The following C5orf34 variants were observed in gnomAD, a reference collection of about 807,000 sequenced individuals.
The protein encoded by C5orf34 is chromosome 5 open reading frame 34.
In C5orf34, 73 loss-of-function variants were observed where a neutral mutation model predicts 78.4. The ratio of observed to expected loss-of-function variants is 0.93; its 90% CI spans 0.77 to 1.13. The LOEUF is 1.13. C5orf34 is among the 50% of genes most tolerant of loss of function. The probability of loss-of-function intolerance (pLI) is 0.00; values close to 1 mark genes in which losing one functional copy is unlikely to be tolerated. For missense variants in C5orf34, 730 were observed against 732.7 expected (o/e 1.00, Z 0.04); for synonymous variants, 251 against 246.6 (o/e 1.02, Z -0.17).
intron 3 of C5orf34, among the ~76,000 whole-genome samples, chr5:43,507,902 C>T (rs1306944126): frequency 6.6e-6 from 1 of 151,980 alleles, no homozygotes; most frequent in Non-Finnish European, 1.5e-5. Context: ...CATGATGAAA[C>T]CCCGTCTCTA....
chr5:43,492,398 TAAGTA>T, intron 9 of C5orf34, 89 bp from the exon 10 acceptor site: 1 of 833,896 alleles, frequency 1.2e-6, no homozygotes, highest in Non-Finnish European at 2.0e-6. Flanking sequence ...CTTAAAGAAA[TAAGTA>T]GAGGAATCAT....
chr5:43,493,765 G>T (rs79463127), intron 7 of C5orf34, among the ~76,000 whole-genome samples, 153 bp from the exon 8 acceptor site: 3,744 of 152,134 alleles, frequency 0.025, 59 homozygotes, highest in Middle Eastern at 0.058. Flanking sequence ...AAATCCTTAA[G>T]CCCCTAGAAG....
rs572476619 is a variant in C5orf34, at chr5:43,495,075, A to G, written c.1153-474T>C. On this transcript the variant is annotated intron_variant, in intron 6 of 12. Transcript: ENST00000306862. ...GTGGCAGGTATTAGGGATAATATTCATTTAGCCTTCTGAGCTGTCTGGGCA... is the reference window on the plus strand; with the variant it reads ...GTGGCAGGTATTAGGGATAATATTCGTTTAGCCTTCTGAGCTGTCTGGGCA... The G allele has an allele frequency of 1.5e-4, 217 of 1,490,718 alleles. 3 individuals carry two copies. In the East Asian group the frequency reaches 4.9e-3, roughly 34 times the overall value. The allele number at this position is 1,490,718 out of a possible 1,614,324, so 92.3% of individuals were successfully genotyped here. A position where few individuals can be genotyped will look rare whatever the true frequency, so the allele number is the denominator to read the frequency against.
In C5orf34 at chr5:43,487,075, G is replaced by A. The variant is rs1366470248; in HGVS notation, c.1757C>T (p.Ser586Phe). Residue 586 changes from serine to phenylalanine, a missense_variant, in exon 13 of 13, where the codon TCT (serine) becomes TTT (phenylalanine). Coordinates refer to ENST00000306862, the MANE Select transcript of C5orf34 (RefSeq NM_198566.4). ...LENSGILNQI[S>F]NKKNEQQSFD... is the part of the protein sequence containing the mutation. ...AGACTGTTGTTCATTTTTCTTGTTA[G>A]AAATCTGGTTTAGGATACCACTATT... The A allele has an allele frequency of 1.3e-6, 2 of 1,562,392 alleles. No homozygotes were observed. Among genetic ancestry groups the A allele is most frequent in the Non-Finnish European group, 1.7e-6 (2 of 1,157,568 alleles).
intron 12 of C5orf34, 54 bp downstream of exon 12, chr5:43,487,855 C>T: frequency 1.5e-6 from 2 of 1,338,678 alleles, no homozygotes; most frequent in Non-Finnish European, 2.1e-6. Flanking sequence ...ATGAATTAAG[C>T]CTAGAATGAA....
At position 43,494,516 on chromosome 5, in the gene C5orf34, G is replaced by A. The variant is rs139034792; in HGVS notation, c.1238C>T (p.Ala413Val). 26 of 1,597,882 alleles carry A rather than the reference G, an allele frequency of 1.6e-5. No individual in the cohort carries two copies. Among genetic ancestry groups the A allele is most frequent in the Non-Finnish European group, 2.2e-5 (26 of 1,168,170 alleles). ...PFTVGSLIKQ[A>V]TRILQHCVKM... ...TTGAATGGGAAGAACTTACCTTGTT[G>A]CCTGTTTAATTAGAGAACCGACAGT... Residue 413 changes from alanine to valine, a missense_variant, in exon 7 of 13, where the codon GCA becomes GTA. Coordinates refer to ENST00000306862, the MANE Select transcript of C5orf34 (RefSeq NM_198566.4).
intron 6 of C5orf34, among the ~76,000 whole-genome samples, chr5:43,497,717 T>C (rs1745597133): frequency 1.3e-5 from 2 of 152,324 alleles, no homozygotes; most frequent in Admixed American, 1.3e-4. Flanking sequence ...TAGCATATAA[T>C]AGGTACCAAA....
In C5orf34 at chr5:43,490,700, C is replaced by T. The variant is rs180819484; in HGVS notation, c.1610G>A (p.Arg537Lys). 1.9e-6 allele frequency: 3 copies of T among 1,607,672 alleles called. No homozygotes were observed. In the East Asian group the frequency reaches 6.7e-5, roughly 36 times the overall value. ...TCTGGGACTAGTCTGGGTCAGTCTC[C>T]TGCACCATGATGTTACTGTTGTCAC... ...RYVTTVTSWC[R>K]RLTQTSPREM... The change falls in exon 11 of 13, where the codon AGG (arginine) becomes AAG (lysine). Residue 537 changes from arginine (R) to lysine (K), a missense_variant. Transcript: ENST00000306862.
intron 5 of C5orf34, 30 bp from the exon 6 acceptor site, chr5:43,502,525 T>C: frequency 2.1e-6 from 3 of 1,415,898 alleles, no homozygotes; most frequent in Non-Finnish European, 2.9e-6. Flanking sequence ...ATTAAAAATT[T>C]TTTTCCACTT....
rs1746328200 is a variant in C5orf34 at position 43,512,788 on chromosome 5, T to C, written c.-37+2018A>G. Among the ~76,000 whole-genome samples the C allele has an allele frequency of 5.8e-5, 3 of 52,162 alleles. 1 individual carries two copies. Among genetic ancestry groups the C allele is most frequent in the Admixed American group, 2.6e-4 (1 of 3,826 alleles). The allele number at this position is 52,162 out of a possible 152,430, so 34.2% of individuals were successfully genotyped here. ...TTTTTTTTTTTTTTTTTTTTTTTTT[T>C]TTTTTTTTTTTTTGAGACAGAGTCT... On this transcript the variant is annotated intron_variant, in intron 1 of 12. Transcript: ENST00000306862.
intron 6 of C5orf34, among the ~76,000 whole-genome samples, chr5:43,499,639 T>C (rs192319882): frequency 3.1e-3 from 471 of 152,310 alleles, no homozygotes; most frequent in Non-Finnish European, 5.0e-3. Flanking sequence ...TACTTGTGCT[T>C]GTGCATGTGT....
intron 3 of C5orf34, among the ~76,000 whole-genome samples, chr5:43,506,784 A>G (rs1433195627): frequency 1.3e-5 from 2 of 152,144 alleles, no homozygotes; most frequent in African/African-American, 4.8e-5. Flanking sequence ...TTATATTAAA[A>G]GCAATCATAG....
intron 1 of C5orf34, among the ~76,000 whole-genome samples, chr5:43,513,549 T>C (rs955091078): frequency 6.6e-6 from 1 of 152,214 alleles, no homozygotes; most frequent in African/African-American, 2.4e-5. Flanking sequence ...TCCTAAACTA[T>C]GGCCTACAAA....
At chr5:43,503,898 G>T in intron 4 of C5orf34, 138 bp from the exon 5 acceptor site, 7 of 580,330 alleles carry the variant, frequency 1.2e-5, no homozygotes, top group South Asian at 4.4e-5. Flanking sequence ...TTAATATGAA[G>T]GTATATTAAT....
In C5orf34 at chr5:43,490,730, C is replaced by T. The variant is rs1036518808; in HGVS notation, c.1581-1G>A. ...CCATGATGTTACTGTTGTCACATAT[C>T]TAAAGTGAATACATTAAAAGAAATA... is the stretch of plus-strand genomic sequence containing the variant. On this transcript the variant is annotated splice_acceptor_variant, in intron 10 of 12. Transcript: ENST00000306862. LOFTEE classifies it high-confidence loss of function. 1 of 1,508,956 alleles carries T rather than the reference C, an allele frequency of 6.6e-7. No homozygotes were observed. The highest frequency in any genetic ancestry group is 1.7e-5 in the Admixed American group (1 of 59,318). The allele number at this position is 1,508,956 out of a possible 1,614,324, so 93.5% of individuals were successfully genotyped here.
chr5:43,509,764 G>GT (rs560389477), intron 1 of C5orf34, among the ~76,000 whole-genome samples: 47 of 150,012 alleles, frequency 3.1e-4, no homozygotes, highest in Middle Eastern at 6.8e-3. Flanking sequence ...TGTTTTTTTT[G>GT]TTTTTTTTTG....
intron 1 of C5orf34, among the ~76,000 whole-genome samples, chr5:43,511,465 G>T (rs1268134237): frequency 6.7e-6 from 1 of 150,272 alleles, no homozygotes; most frequent in Admixed American, 6.6e-5. Context: ...GGGCGCCTCT[G>T]CCTGGCCGCC....
At chr5:43,507,060 T>C (rs1054262261) in intron 3 of C5orf34, among the ~76,000 whole-genome samples, 2 of 152,168 alleles carry the variant, frequency 1.3e-5, no homozygotes, top group African/African-American at 4.8e-5. Flanking sequence ...AGGTAACATG[T>C]AAAAAGTACC....
intron 6 of C5orf34, among the ~76,000 whole-genome samples, chr5:43,497,919 C>T (rs1198958427): frequency 6.6e-6 from 1 of 152,166 alleles, no homozygotes; most frequent in East Asian, 1.9e-4. Flanking sequence ...TCACGTTGTT[C>T]CCTCTACCTA....
Sources: gnomAD v4.1 joint callset for allele counts (sites outside exome capture counted in the v4.1 genomes callset) on GRCh38, gnomAD v4.1.1 for gene constraint, MANE v1.5 for transcripts, NCBI Gene and HGNC (gene_info 2026-07-23, HGNC 2026-07-21) for gene names.